GCNT1: variants seen among roughly 807,000 people sequenced by gnomAD.
The protein encoded by GCNT1 is glucosaminyl (N-acetyl) transferase 1.
Under a neutral mutation model 26.2 loss-of-function variants are expected in GCNT1, and 16 were observed. That is an observed-to-expected ratio of 0.61 (90% confidence interval 0.41 to 0.93). The LOEUF is 0.93. Among genes scored for constraint, GCNT1 ranks in the 40% least tolerant of loss-of-function variants. GCNT1 has a pLI of 0.00. For missense variants in GCNT1, 477 were observed against 526.7 expected (o/e 0.91, Z 0.92); for synonymous variants, 183 against 190.8 (o/e 0.96, Z 0.34).
intron 1 of GCNT1, among the ~76,000 whole-genome samples, chr9:76,434,166 T>C (rs989229879): frequency 6.6e-6 from 1 of 152,114 alleles, no homozygotes; most frequent in African/African-American, 2.4e-5. Flanking sequence ...ACTTACAGGG[T>C]TCAGTACTAT....
At chr9:76,398,998 T>A in the GCNT1 span, 1 of 1,556,200 alleles carries the variant, frequency 6.4e-7, no homozygotes, top group South Asian at 1.1e-5. Flanking sequence ...CTCCAATTGC[T>A]GGCCACTTCA....
At chr9:76,461,194 CTTTTTTTT>C (rs71372085) in intron 2 of GCNT1, among the ~76,000 whole-genome samples, 5 of 125,978 alleles carry the variant, frequency 4.0e-5, no homozygotes, top group African/African-American at 1.5e-4. Flanking sequence ...GTGTAGGCAG[CTTTTTTTT>C]TTTTTTTTTT....
chr9:76,451,621 C>T (rs1320378464), intron 1 of GCNT1, among the ~76,000 whole-genome samples: 1 of 151,994 alleles, frequency 6.6e-6, no homozygotes, highest in Non-Finnish European at 1.5e-5. Context: ...TATAAAAGGC[C>T]AAAGAAATAT....
chr9:76,394,445 G>C, the GCNT1 span: 15 of 361,570 alleles, frequency 4.1e-5, no homozygotes, highest in African/African-American at 2.4e-4. Flanking sequence ...TGAGCGGGGT[G>C]GGGGGAGGGG....
Position 76,504,466 on chromosome 9 carries a change from A to G in GCNT1, c.*798A>G, listed in dbSNP as rs1825180718. 3.5e-6 allele frequency: 1 copy of G among 287,508 alleles called. No individual in the cohort carries two copies. The highest frequency in any genetic ancestry group is 1.7e-4 in the South Asian group (1 of 5,912). The allele number at this position is 287,508 out of a possible 1,614,324, so 17.8% of individuals were successfully genotyped here. On this transcript the variant is annotated 3_prime_UTR_variant, in exon 4 of 4. Coordinates refer to ENST00000376730, the MANE Select transcript of GCNT1 (RefSeq NM_001490.5). ...ATCTTCCTTTCCTCAGTCTTCCCAGACTGCTATCAAGCTGTGTAAAAATTT... is the reference window on the plus strand; with the variant it reads ...ATCTTCCTTTCCTCAGTCTTCCCAGGCTGCTATCAAGCTGTGTAAAAATTT...
chr9:76,481,867 A>G (rs988334687), intron 2 of GCNT1, among the ~76,000 whole-genome samples: 2 of 152,200 alleles, frequency 1.3e-5, no homozygotes, highest in Non-Finnish European at 2.9e-5. Context: ...TTAGGTTGCT[A>G]GAGCCTTAAT....
chr9:76,464,139 T>G (rs549431096), intron 2 of GCNT1, among the ~76,000 whole-genome samples: 2 of 152,048 alleles, frequency 1.3e-5, no homozygotes, highest in East Asian at 3.9e-4. Flanking sequence ...CTGAAAGAGT[T>G]GAGATCAAGA....
At chr9:76,403,532 G>A in the GCNT1 span, among the ~76,000 whole-genome samples, 1 of 152,184 alleles carries the variant, frequency 6.6e-6, no homozygotes, top group African/African-American at 2.4e-5. Flanking sequence ...GGTGACACAT[G>A]AAATAAGAAC....
intron 1 of GCNT1, among the ~76,000 whole-genome samples, chr9:76,424,585 A>G (rs1823236189): frequency 6.6e-6 from 1 of 152,184 alleles, no homozygotes; most frequent in African/African-American, 2.4e-5. Flanking sequence ...TTTCATCTCA[A>G]AAAAAGAAAA....
At chr9:76,444,236 A>T (rs1823536425) in intron 1 of GCNT1, among the ~76,000 whole-genome samples, 1 of 152,234 alleles carries the variant, frequency 6.6e-6, no homozygotes, top group South Asian at 2.1e-4. Flanking sequence ...AGTTGGAAAT[A>T]TGAGTCTGGA....
chr9:76,433,182 G>A (rs561777441), intron 1 of GCNT1, among the ~76,000 whole-genome samples: 3 of 152,256 alleles, frequency 2.0e-5, no homozygotes, highest in African/African-American at 7.2e-5. Flanking sequence ...GGACCCCTCC[G>A]AATGCAGGTA....
upstream of GCNT1, among the ~76,000 whole-genome samples, chr9:76,456,619 T>C (rs1428637948): frequency 6.6e-6 from 1 of 152,218 alleles, no homozygotes; most frequent in Non-Finnish European, 1.5e-5. Flanking sequence ...CCCCTAAGCA[T>C]TCCAGAAATA....
upstream of GCNT1, among the ~76,000 whole-genome samples, chr9:76,419,263 A>G (rs901317793): frequency 6.6e-6 from 1 of 152,194 alleles, no homozygotes; most frequent in Non-Finnish European, 1.5e-5. Flanking sequence ...TATACACTCC[A>G]TGACAACAGA....
chr9:76,481,109 G>C (rs1158015860), intron 2 of GCNT1, among the ~76,000 whole-genome samples: 1 of 152,104 alleles, frequency 6.6e-6, no homozygotes, highest in African/African-American at 2.4e-5. Context: ...TTGGTGGCGT[G>C]TGCCTGTAAT....
chr9:76,442,945 C>G (rs1181912733), intron 1 of GCNT1, among the ~76,000 whole-genome samples: 3 of 152,086 alleles, frequency 2.0e-5, no homozygotes, highest in African/African-American at 4.8e-5. Context: ...TGGCTCATGC[C>G]TGTAATCCCA....
intron 2 of GCNT1, among the ~76,000 whole-genome samples, chr9:76,479,398 G>A (rs561805948): frequency 5.3e-5 from 8 of 152,272 alleles, no homozygotes; most frequent in African/African-American, 1.4e-4. Flanking sequence ...GCTGGGTCAA[G>A]TGGTATTTCT....
At chr9:76,420,333 G>T in intron 1 of GCNT1, 1 of 152,274 alleles carries the variant, frequency 6.6e-6, no homozygotes, top group South Asian at 2.1e-4. Context: ...GGAGTGCAGT[G>T]GCGTGATCAT....
At chr9:76,495,571 G>A (rs1824885278) in intron 2 of GCNT1, among the ~76,000 whole-genome samples, 1 of 152,126 alleles carries the variant, frequency 6.6e-6, no homozygotes, top group Non-Finnish European at 1.5e-5. Context: ...ATGCTGATTG[G>A]TCCATTTTAC....
chr9:76,476,462 C>G (rs962716624), intron 2 of GCNT1, among the ~76,000 whole-genome samples: 2 of 151,008 alleles, frequency 1.3e-5, no homozygotes, highest in Non-Finnish European at 2.9e-5. Flanking sequence ...AAGTCCATTA[C>G]TCTTCAGTGT....
Sources: allele counts gnomAD v4.1 joint callset (sites outside exome capture counted in the v4.1 genomes callset), GRCh38; gene constraint gnomAD v4.1.1; transcripts MANE v1.5; gene names NCBI Gene and HGNC (gene_info 2026-07-23, HGNC 2026-07-21).